The following MYO3A variants were observed in gnomAD, a reference collection of about 807,000 sequenced individuals.
The protein encoded by MYO3A is myosin-IIIa.
A neutral mutation model predicts 192.7 loss-of-function variants in MYO3A; 180 were observed. That is an observed-to-expected ratio of 0.93 (90% CI 0.83 to 1.06). The LOEUF (loss-of-function observed/expected upper bound fraction) is 1.06, where lower values mean the gene tolerates loss of function less well. Among genes scored for constraint, MYO3A ranks in the 50% least tolerant of loss-of-function variants. The pLI is 0.00. For missense variants in MYO3A, 1,896 were observed against 1,905.0 expected, an observed-to-expected ratio of 1.00 and a Z score of 0.09; for synonymous variants, 628 against 645.3, an observed-to-expected ratio of 0.97 and a Z score of 0.41.
chr10:26,198,305 G>A (rs533510440), intron 32 of MYO3A, among the ~76,000 whole-genome samples: 2 of 152,298 alleles, frequency 1.3e-5, no homozygotes, highest in South Asian at 2.1e-4. Flanking sequence ...AGCCGCAGAA[G>A]CGTGCCTGTG....
At chr10:26,085,883 A>T (rs1426353227) in intron 14 of MYO3A, among the ~76,000 whole-genome samples, 2 of 152,166 alleles carry the variant, frequency 1.3e-5, no homozygotes, top group Admixed American at 1.3e-4. Context: ...TTGGGGCATG[A>T]GGTGGTAAAG....
intron 10 of MYO3A, among the ~76,000 whole-genome samples, chr10:26,038,550 C>T (rs1181848602): frequency 6.6e-6 from 1 of 152,084 alleles, no homozygotes; most frequent in Non-Finnish European, 1.5e-5. Flanking sequence ...TGATTTTGCA[C>T]TCTTTACTGA....
At chr10:26,172,714 T>C (rs1445792210) in intron 29 of MYO3A, among the ~76,000 whole-genome samples, 1 of 152,180 alleles carries the variant, frequency 6.6e-6, no homozygotes, top group Admixed American at 6.5e-5. Flanking sequence ...CCCTACCTAG[T>C]TTTTTGACTG....
At chr10:26,086,760 G>T (rs752238731) in intron 14 of MYO3A, among the ~76,000 whole-genome samples, 6 of 152,110 alleles carry the variant, frequency 3.9e-5, no homozygotes, top group Non-Finnish European at 8.8e-5. Context: ...GATTTAATGT[G>T]GGGCACGGGG....
intron 2 of MYO3A, among the ~76,000 whole-genome samples, chr10:25,943,830 G>A (rs958115192): frequency 6.9e-6 from 1 of 145,964 alleles, no homozygotes; most frequent in African/African-American, 2.5e-5. Flanking sequence ...GTACATATAA[G>A]ATCAAATAGT....
At chr10:26,130,458 T>A (rs1286805836) in intron 20 of MYO3A, among the ~76,000 whole-genome samples, 3 of 152,226 alleles carry the variant, frequency 2.0e-5, no homozygotes, top group African/African-American at 7.2e-5. Context: ...ATGATCCCAA[T>A]GCTCTTAATT....
At chr10:26,073,442 G>A (rs891299106) in intron 14 of MYO3A, among the ~76,000 whole-genome samples, 2 of 151,842 alleles carry the variant, frequency 1.3e-5, no homozygotes, top group Non-Finnish European at 1.5e-5. Flanking sequence ...GGTGGCAGGC[G>A]CCTGTAGTCC....
chr10:26,010,149 A>G (rs1841531498), intron 6 of MYO3A, among the ~76,000 whole-genome samples: 1 of 152,214 alleles, frequency 6.6e-6, no homozygotes. Context: ...AATTATCTTT[A>G]TTATCAGATA....
chr10:25,935,531 G>C (rs7093785), intron 1 of MYO3A, among the ~76,000 whole-genome samples: 11,906 of 152,202 alleles, frequency 0.078, 588 homozygotes, highest in African/African-American at 0.13. Context: ...AGACGGATCT[G>C]GTAGCTTGAG....
chr10:26,180,713 CAAA>C (rs35539016), intron 31 of MYO3A, among the ~76,000 whole-genome samples: 1 of 133,346 alleles, frequency 7.5e-6, no homozygotes, highest in Admixed American at 7.5e-5. Context: ...GAAATAATAG[CAAA>C]AAAAAAAAAT....
chr10:25,989,275 T>TTA (rs59046216), intron 4 of MYO3A, among the ~76,000 whole-genome samples: 9,602 of 150,748 alleles, frequency 0.064, 402 homozygotes, highest in African/African-American at 0.11. Context: ...TTTTTTTTTT[T>TTA]AAAGCAGCTT....
intron 6 of MYO3A, among the ~76,000 whole-genome samples, chr10:26,005,021 A>C (rs11819023): frequency 0.025 from 3,868 of 152,314 alleles, 188 homozygotes; most frequent in African/African-American, 0.087. Flanking sequence ...TTTTGATTAG[A>C]AATAGGGTAG....
At chr10:25,958,184 G>T (rs925410522) in intron 4 of MYO3A, among the ~76,000 whole-genome samples, 1 of 152,200 alleles carries the variant, frequency 6.6e-6, no homozygotes, top group East Asian at 1.9e-4. Context: ...AGAATGGATG[G>T]TATTGCCTAG....
chr10:26,185,636 A>G (rs985600296), intron 31 of MYO3A, among the ~76,000 whole-genome samples: 1 of 152,060 alleles, frequency 6.6e-6, no homozygotes, highest in Non-Finnish European at 1.5e-5. Context: ...CACCGCACAC[A>G]GCCCATTCCA....
At chr10:25,973,821 A>G (rs950629151) in intron 4 of MYO3A, among the ~76,000 whole-genome samples, 11 of 152,220 alleles carry the variant, frequency 7.2e-5, no homozygotes, top group Admixed American at 6.5e-4. Flanking sequence ...GACAAACCAG[A>G]CAAAAACAAG....
chr10:26,175,611 C>T (rs1021543470), intron 30 of MYO3A, among the ~76,000 whole-genome samples: 1 of 152,230 alleles, frequency 6.6e-6, no homozygotes, highest in Non-Finnish European at 1.5e-5. Context: ...GTGGCCCAGA[C>T]ATCTCCAACT....
At chr10:25,973,556 C>A (rs765603494) in intron 4 of MYO3A, among the ~76,000 whole-genome samples, 1 of 152,108 alleles carries the variant, frequency 6.6e-6, no homozygotes, top group Non-Finnish European at 1.5e-5. Flanking sequence ...TCATCATGTG[C>A]TGGTTTTCAT....
Position 26,016,777 on chromosome 10 carries a change from T to C in MYO3A, c.509-43T>C, listed in dbSNP as rs1276999034. 1.9e-6 allele frequency: 3 copies of C among 1,561,304 alleles called. No homozygotes were observed. In the South Asian group the frequency reaches 3.3e-5, roughly 17 times the overall value. On this transcript the variant is annotated intron_variant, in intron 6 of 34. Transcript: ENST00000642920. The stretch of plus-strand genomic sequence containing the variant: ...TTATAGCAATTGAAAGCTCTTTATA[T>C]GAGTAATTAATGCAAAAAAGTACAT...
intron 28 of MYO3A, 143 bp from the exon 29 acceptor site, chr10:26,170,273 T>C: frequency 1.1e-6 from 1 of 875,798 alleles, no homozygotes; most frequent in South Asian, 1.7e-5. Flanking sequence ...TGAATCACAT[T>C]TTTAAGTGAA....
Sources: gnomAD v4.1 joint callset for allele counts (sites outside exome capture counted in the v4.1 genomes callset) on GRCh38, gnomAD v4.1.1 for gene constraint, MANE v1.5 for transcripts, NCBI Gene and HGNC (gene_info 2026-07-23, HGNC 2026-07-21) for gene names.